SYNPR: variants seen among roughly 807,000 people sequenced by gnomAD.
The protein encoded by SYNPR is synaptoporin.
A neutral mutation model predicts 32.9 loss-of-function variants in SYNPR; 23 were observed. The observed-to-expected ratio is 0.70, with a 90% CI of 0.50 to 0.99. SYNPR has a LOEUF of 0.99. Among genes scored for constraint, SYNPR ranks in the 50% least tolerant of loss-of-function variants. The pLI is 0.00. For missense variants in SYNPR, 318 were observed against 349.3 expected, an observed-to-expected ratio of 0.91 and a Z score of 0.71; for synonymous variants, 146 against 135.9, an observed-to-expected ratio of 1.07 and a Z score of -0.52.
rs1365028436 is a variant in SYNPR, at chr3:63,524,842, T to C, written c.210-31701T>C. Among the ~76,000 whole-genome samples the C allele has an allele frequency of 2.2e-3, 295 of 135,208 alleles. 1 individual carries two copies. Among genetic ancestry groups the C allele is most frequent in the Non-Finnish European group, 3.1e-3 (193 of 61,850 alleles). 88.7% of individuals were successfully genotyped at this position (135,208 alleles called of 152,430 possible). A position where few individuals can be genotyped will look rare whatever the true frequency, so the allele number is the denominator to read the frequency against. ...TAATAGAAGTGTGTGTGTGTGTGTG[T>C]GTGTGTGTGCATGTGTGTGTGTGTG... On this transcript the variant is annotated intron_variant, in intron 3 of 5. Coordinates refer to ENST00000478300, the MANE Select transcript of SYNPR (RefSeq NM_001130003.2).
At chr3:63,550,708 T>A (rs773754902) in intron 3 of SYNPR, among the ~76,000 whole-genome samples, 1 of 152,170 alleles carries the variant, frequency 6.6e-6, no homozygotes, top group Non-Finnish European at 1.5e-5. Context: ...GATCCTGGGG[T>A]GCAGCCTGGC....
At chr3:63,349,927 A>G (rs2087484009) in intron 2 of SYNPR, among the ~76,000 whole-genome samples, 1 of 152,202 alleles carries the variant, frequency 6.6e-6, no homozygotes, top group African/African-American at 2.4e-5. Flanking sequence ...AAAATAAGGT[A>G]ATCCACTGAG....
At chr3:63,446,195 T>G (rs969188914) in intron 2 of SYNPR, among the ~76,000 whole-genome samples, 2 of 151,982 alleles carry the variant, frequency 1.3e-5, no homozygotes, top group Non-Finnish European at 2.9e-5. Context: ...TCGTCATTGG[T>G]GCAAAATATA....
chr3:63,402,731 G>A (rs1015907286), intron 2 of SYNPR, among the ~76,000 whole-genome samples: 4 of 152,168 alleles, frequency 2.6e-5, no homozygotes, highest in African/African-American at 9.7e-5. Context: ...CCTCTGCCTG[G>A]AACTCTTTTC....
intron 2 of SYNPR, among the ~76,000 whole-genome samples, chr3:63,442,576 G>T (rs1202405948): frequency 6.6e-6 from 1 of 152,144 alleles, no homozygotes; most frequent in Admixed American, 6.5e-5. Flanking sequence ...CGAAGTAGTC[G>T]AGCTGAACTC....
chr3:63,501,486 C>A (rs1309439188), intron 3 of SYNPR, among the ~76,000 whole-genome samples: 3 of 136,488 alleles, frequency 2.2e-5, no homozygotes, highest in Non-Finnish European at 4.7e-5. Context: ...CCCCCACCCT[C>A]CCCCAACCAA....
chr3:63,292,583 T>C (rs1028018568), intron 2 of SYNPR, among the ~76,000 whole-genome samples: 4 of 152,088 alleles, frequency 2.6e-5, no homozygotes, highest in African/African-American at 4.8e-5. Context: ...TTTATAAGAG[T>C]AGAAATAATG....
At chr3:63,508,838 C>T (rs1701639694) in intron 3 of SYNPR, among the ~76,000 whole-genome samples, 1 of 152,028 alleles carries the variant, frequency 6.6e-6, no homozygotes, top group Admixed American at 6.6e-5. Flanking sequence ...AAGCTATTCC[C>T]AGAAGAAAAG....
chr3:63,312,608 T>A lies in SYNPR; in HGVS notation c.84+33866T>A, dbSNP rs559450355. 5.3e-5 allele frequency among the ~76,000 whole-genome samples: 8 copies of A among 152,208 alleles called. No individual in the cohort carries two copies. The South Asian group carries it at 8.3e-4, about 16-fold the overall frequency. On this transcript the variant is annotated intron_variant, in intron 2 of 5. Transcript: ENST00000478300. ...TGCAGCCAGACCCACTTACATGACT[T>A]ACCTGTGTCTACCCACATGCTTTCC...
intron 2 of SYNPR, among the ~76,000 whole-genome samples, chr3:63,334,515 A>AGTGTGTGT (rs138498529): frequency 0.011 from 1,642 of 149,360 alleles, 14 homozygotes; most frequent in Non-Finnish European, 0.017. Flanking sequence ...GTCTCAATGA[A>AGTGTGTGT]GTGTGTGTGT....
intron 4 of SYNPR, among the ~76,000 whole-genome samples, chr3:63,606,160 A>C (rs1700116078): frequency 6.6e-6 from 1 of 152,180 alleles, no homozygotes; most frequent in African/African-American, 2.4e-5. Context: ...AACAGGTAGT[A>C]AGTGTCAAAG....
intron 2 of SYNPR, among the ~76,000 whole-genome samples, chr3:63,338,136 C>G (rs1405305338): frequency 6.6e-6 from 1 of 152,156 alleles, no homozygotes; most frequent in African/African-American, 2.4e-5. Flanking sequence ...TATGGGAACT[C>G]TCTGTACTTT....
At chr3:63,468,965 G>A (rs1470153220) in intron 2 of SYNPR, among the ~76,000 whole-genome samples, 7 of 152,018 alleles carry the variant, frequency 4.6e-5, no homozygotes, top group African/African-American at 1.7e-4. Context: ...TAGTGAAAAG[G>A]CATTAATTGA....
intron 4 of SYNPR, among the ~76,000 whole-genome samples, chr3:63,598,697 C>T (rs562248297): frequency 1.4e-4 from 22 of 152,102 alleles, no homozygotes; most frequent in Non-Finnish European, 2.6e-4. Flanking sequence ...TTATGGGGAC[C>T]ACATAGAACA....
chr3:63,530,197 A>G (rs1702085713), intron 3 of SYNPR, among the ~76,000 whole-genome samples: 1 of 152,196 alleles, frequency 6.6e-6, no homozygotes, highest in Non-Finnish European at 1.5e-5. Flanking sequence ...TGCTTTTTGA[A>G]CAAAGAACTC....
chr3:63,396,444 T>G (rs6772006), intron 2 of SYNPR, among the ~76,000 whole-genome samples: 16,904 of 152,174 alleles, frequency 0.11, 1,132 homozygotes, highest in African/African-American at 0.19. Context: ...AGTCGCTCCT[T>G]CCCAAGACAT....
At chr3:63,327,380 T>C (rs1037895470) in intron 2 of SYNPR, among the ~76,000 whole-genome samples, 5 of 152,168 alleles carry the variant, frequency 3.3e-5, no homozygotes, top group Admixed American at 2.6e-4. Flanking sequence ...TATGTTATCA[T>C]GTATATGTGG....
intron 3 of SYNPR, among the ~76,000 whole-genome samples, chr3:63,483,153 A>G (rs1012706077): frequency 5.3e-5 from 8 of 152,226 alleles, no homozygotes; most frequent in Admixed American, 3.3e-4. Flanking sequence ...ACACAAATAT[A>G]TGCATGTAAT....
Position 63,551,635 on chromosome 3 carries a change from A to T in SYNPR, c.210-4908A>T, listed in dbSNP as rs114510585. ...TTTATAGCCACCCTAGTGGATGTGA[A>T]GTAGTATCTCATTGTGCTTTCTTTC... is the stretch of plus-strand genomic sequence containing the variant. On this transcript the variant is annotated intron_variant, in intron 3 of 5. Transcript: ENST00000478300. Among the ~76,000 whole-genome samples, 366 of 152,296 alleles carry T rather than the reference A, an allele frequency of 2.4e-3. 1 individual carries two copies. The highest frequency in any genetic ancestry group is 8.3e-3 in the African/African-American group (344 of 41,556).
Sources: allele counts gnomAD v4.1 joint callset (sites outside exome capture counted in the v4.1 genomes callset), GRCh38; gene constraint gnomAD v4.1.1; transcripts MANE v1.5; gene names NCBI Gene and HGNC (gene_info 2026-07-23, HGNC 2026-07-21).